ANO3: variants seen among roughly 807,000 people sequenced by gnomAD.
The protein encoded by ANO3 is anoctamin 3.
In ANO3, 99 loss-of-function variants were observed where a neutral mutation model predicts 144.8. The ratio of observed to expected loss-of-function variants is 0.68; its 90% confidence interval spans 0.58 to 0.81. The LOEUF is 0.81. Ranked by LOEUF, ANO3 falls within the 30% of genes least tolerant of loss-of-function variation. ANO3 has a pLI of 0.00. For synonymous variants in ANO3, 414 were observed against 392.6 expected (o/e 1.05, Z -0.64); for missense variants, 905 against 1,202.2 (o/e 0.75, Z 3.66).
intron 13 of ANO3, chr11:26,559,457 A>G (rs1417824028): frequency 3.0e-6 from 1 of 331,520 alleles, no homozygotes; most frequent in Non-Finnish European, 5.5e-6. Context: ...AGAATTATTT[A>G]TAATCAGAAA....
At chr11:26,465,284 A>T (rs1859561548) in intron 4 of ANO3, among the ~76,000 whole-genome samples, 1 of 150,120 alleles carries the variant, frequency 6.7e-6, no homozygotes, top group Non-Finnish European at 1.5e-5. Flanking sequence ...AGATAGATAG[A>T]TAGATAGATA....
At chr11:26,566,593 T>C (rs1281396424) in intron 14 of ANO3, among the ~76,000 whole-genome samples, 3 of 151,906 alleles carry the variant, frequency 2.0e-5, no homozygotes, top group Non-Finnish European at 2.9e-5. Flanking sequence ...CTTCTAGATT[T>C]AAGGATATTC....
rs202041755 is a variant in ANO3, at chr11:26,632,617, G to T, written c.1874-1587G>T. On this transcript the variant is annotated intron_variant, in intron 18 of 26. Coordinates refer to ENST00000256737, the MANE Select transcript of ANO3 (RefSeq NM_031418.4). ...ATAATATATGTCTGTCTCTATATAT[G>T]TACAAACACACACACACACACACAA... 2.0e-5 allele frequency among the ~76,000 whole-genome samples: 3 copies of T among 148,574 alleles called. No homozygotes were observed. The East Asian group carries it at 5.9e-4, about 29-fold the overall frequency.
chr11:26,602,772 G>T (rs555047226), intron 17 of ANO3, among the ~76,000 whole-genome samples: 1 of 151,272 alleles, frequency 6.6e-6, no homozygotes, highest in African/African-American at 2.4e-5. Flanking sequence ...ACATTACTGT[G>T]TAATAGAACA....
intron 1 of ANO3, among the ~76,000 whole-genome samples, chr11:26,371,443 C>G (rs915588225): frequency 3.9e-5 from 6 of 152,214 alleles, no homozygotes; most frequent in African/African-American, 2.4e-5. Context: ...AGGCTTGAAG[C>G]CCCCACACAG....
chr11:26,290,859 T>C (rs1474265390), intron 1 of ANO3, among the ~76,000 whole-genome samples: 1 of 152,206 alleles, frequency 6.6e-6, no homozygotes, highest in Non-Finnish European at 1.5e-5. Flanking sequence ...ATAAGTGCAA[T>C]GTGGTGCTGA....
intron 4 of ANO3, among the ~76,000 whole-genome samples, chr11:26,490,574 C>T (rs952999398): frequency 4.6e-5 from 7 of 152,136 alleles, no homozygotes; most frequent in African/African-American, 1.7e-4. Context: ...ATAGAGACTG[C>T]CCATTAAGAT....
chr11:26,619,700 C>T (rs572551431), intron 17 of ANO3, among the ~76,000 whole-genome samples: 1 of 152,262 alleles, frequency 6.6e-6, no homozygotes, highest in South Asian at 2.1e-4. Context: ...CTCCTGACCT[C>T]AAGAGATCCG....
In ANO3 at chr11:26,226,788, A is replaced by G. The variant is rs949928802; in HGVS notation, c.154+37458A>G. ...TTTTAAACTTTTATTTTTTTAAAAT[A>G]CACGTAACATTTTCCAGTTTAACCA... is the stretch of plus-strand genomic sequence containing the variant. On this transcript the variant is annotated intron_variant, in intron 1 of 27. Transcript: ENST00000672621. 4.6e-5 allele frequency among the ~76,000 whole-genome samples: 7 copies of G among 152,280 alleles called. No individual in the cohort carries two copies. In the South Asian group the frequency reaches 1.4e-3, roughly 32 times the overall value.
At chr11:26,642,342 C>CTTTTTTTTT (rs576729432) in intron 22 of ANO3, among the ~76,000 whole-genome samples, 7 of 93,054 alleles carry the variant, frequency 7.5e-5, no homozygotes, top group African/African-American at 2.1e-4. Context: ...TTCTTTCTTT[C>CTTTTTTTTT]TTTTTTTTTT....
chr11:26,238,813 A>G (rs1590210395), intron 1 of ANO3, among the ~76,000 whole-genome samples: 1 of 152,050 alleles, frequency 6.6e-6, no homozygotes, highest in African/African-American at 2.4e-5. Context: ...TTGTTGCCTA[A>G]TAATTCATTA....
chr11:26,244,974 GGTGTGTGTGTGTGT>G (rs61543573), intron 1 of ANO3, among the ~76,000 whole-genome samples: 24 of 121,684 alleles, frequency 2.0e-4, no homozygotes, highest in Middle Eastern at 4.3e-3. Flanking sequence ...CTGGTCTCCT[GGTGTGTGTGTGTGT>G]GTGTGTGTGT....
chr11:26,285,038 T>C (rs551891866), intron 1 of ANO3, among the ~76,000 whole-genome samples: 117 of 152,370 alleles, frequency 7.7e-4, no homozygotes, highest in African/African-American at 2.6e-3. Context: ...TAAAACCGCC[T>C]TTACTTCAGA....
chr11:26,504,110 G>A (rs1189962508), intron 4 of ANO3, among the ~76,000 whole-genome samples: 6 of 152,218 alleles, frequency 3.9e-5, no homozygotes, highest in Non-Finnish European at 7.3e-5. Context: ...AGATCAGCAT[G>A]GAGATGCCTG....
rs755215088 is a variant in ANO3 at position 26,531,289 on chromosome 11, G to A, written c.822G>A (p.Glu274=). The change falls in exon 8 of 27, where the codon GAG becomes GAA. Residue 274 remains glutamate, a synonymous_variant. Transcript: ENST00000256737. ...ACAAGTCAGCTTTTCCAGACCTAGA[G>A]GAGTCAGACTGCTATACTGGCCCCT... The part of the protein sequence containing the change: ...VLDKSAFPDL[E]ESDCYTGPFS... The A allele has an allele frequency of 6.4e-5, 103 of 1,613,868 alleles. 2 individuals are homozygous for A. The South Asian group carries it at 1.1e-3, about 17-fold the overall frequency.
At chr11:26,295,256 GATA>G (rs1160994321) in intron 1 of ANO3, among the ~76,000 whole-genome samples, 1 of 151,948 alleles carries the variant, frequency 6.6e-6, no homozygotes, top group Non-Finnish European at 1.5e-5. Flanking sequence ...ACCCTCTTAT[GATA>G]ATAAGGTCTT....
chr11:26,565,335 G>T, intron 14 of ANO3: 1 of 1,611,466 alleles, frequency 6.2e-7, no homozygotes, highest in Non-Finnish European at 8.5e-7. Flanking sequence ...TGGAGAAGTT[G>T]GTTCTGAAGA....
At position 26,369,966 on chromosome 11, in the gene ANO3, G is replaced by T. The variant is rs539959863; in HGVS notation, c.46+37645G>T. Among the ~76,000 whole-genome samples, 124 of 152,234 alleles carry T rather than the reference G, an allele frequency of 8.1e-4. 1 individual carries two copies. Among genetic ancestry groups the T allele is most frequent in the African/African-American group, 2.9e-3 (122 of 41,538 alleles). On this transcript the variant is annotated intron_variant, in intron 1 of 26. Coordinates refer to ENST00000256737, the MANE Select transcript of ANO3 (RefSeq NM_031418.4). Reference sequence around the variant, plus strand: ...GGTGAACATTCTTTTCCTCTTCATAGTCAGACTACTCTTGATGTGAGGATT... The same window carrying T: ...GGTGAACATTCTTTTCCTCTTCATATTCAGACTACTCTTGATGTGAGGATT...
At position 26,224,407 on chromosome 11, in the gene ANO3, G is replaced by GT. The variant is rs201784107; in HGVS notation, c.154+35083dup. Among the ~76,000 whole-genome samples the GT allele has an allele frequency of 5.1e-4, 77 of 152,362 alleles. No individual in the cohort carries two copies. The East Asian group carries it at 8.9e-3, about 18-fold the overall frequency. On this transcript the variant is annotated intron_variant, in intron 1 of 27. Coordinates refer to the ANO3 transcript ENST00000672621. ...CTATAGCAGGGAATAAAGATTGGTAGTTTTTTCAAGGACATGAAAATAGTC... is the reference window on the plus strand; with the variant it reads ...CTATAGCAGGGAATAAAGATTGGTAGTTTTTTTCAAGGACATGAAAATAGTC...
Sources: allele counts gnomAD v4.1 joint callset (sites outside exome capture counted in the v4.1 genomes callset), GRCh38; gene constraint gnomAD v4.1.1; transcripts MANE v1.5; gene names NCBI Gene and HGNC (gene_info 2026-07-23, HGNC 2026-07-21).